RBFOX1: variants seen among roughly 807,000 people sequenced by gnomAD.
RBFOX1 encodes RNA binding protein fox-1 homolog 1.
Under a neutral mutation model 57.7 loss-of-function variants are expected in RBFOX1, and 8 were observed. The ratio of observed to expected loss-of-function variants is 0.14; its 90% confidence interval spans 0.08 to 0.25. The LOEUF (loss-of-function observed/expected upper bound fraction) is 0.25, where lower values mean the gene tolerates loss of function less well. Among genes scored for constraint, RBFOX1 ranks in the 10% least tolerant of loss-of-function variants. The probability of loss-of-function intolerance (pLI) is 1.00; values close to 1 mark genes in which losing one functional copy is unlikely to be tolerated. For missense variants in RBFOX1, 611 were observed against 548.5 expected (o/e 1.11, Z -1.14); for synonymous variants, 326 against 222.4 (o/e 1.47, Z -4.15).
At chr16:6,027,616 TG>T (rs1225294531) in intron 1 of RBFOX1, among the ~76,000 whole-genome samples, 2 of 152,252 alleles carry the variant, frequency 1.3e-5, no homozygotes, top group African/African-American at 4.8e-5. Flanking sequence ...GCAAAGTGCC[TG>T]GCACCTAGTG....
At chr16:7,208,742 CAAG>C (rs2090500403) in intron 4 of RBFOX1, among the ~76,000 whole-genome samples, 1 of 152,088 alleles carries the variant, frequency 6.6e-6, no homozygotes, top group African/African-American at 2.4e-5. Flanking sequence ...GAGGCTGAAG[CAAG>C]AAGATTATTT....
intron 1 of RBFOX1, among the ~76,000 whole-genome samples, chr16:6,266,428 A>G (rs1285888276): frequency 6.6e-6 from 1 of 152,180 alleles, no homozygotes; most frequent in East Asian, 1.9e-4. Flanking sequence ...TCTATTTACT[A>G]ACAGGCCAGA....
chr16:6,988,970 C>A (rs762064033), intron 3 of RBFOX1, among the ~76,000 whole-genome samples: 1 of 152,126 alleles, frequency 6.6e-6, no homozygotes, highest in East Asian at 1.9e-4. Flanking sequence ...CCCATGTTGG[C>A]TAGGCTGCTC....
At chr16:7,510,350 A>C in intron 4 of RBFOX1, 3 of 985,010 alleles carry the variant, frequency 3.0e-6, no homozygotes, top group Non-Finnish European at 3.6e-6. Context: ...CTTTCACTCA[A>C]AATTGCGATT....
chr16:5,502,562 C>T (rs958813140), intron 2 of RBFOX1, among the ~76,000 whole-genome samples: 4 of 152,216 alleles, frequency 2.6e-5, no homozygotes, highest in African/African-American at 9.6e-5. Context: ...CAGCAGAAGC[C>T]TGACAAAGTC....
chr16:6,770,400 A>C (rs1443385019), intron 3 of RBFOX1, among the ~76,000 whole-genome samples: 1 of 152,126 alleles, frequency 6.6e-6, no homozygotes, highest in Admixed American at 6.5e-5. Flanking sequence ...GATTATTATT[A>C]TTTCTGTAAT....
At chr16:7,509,703 C>G (rs1053757606) in intron 4 of RBFOX1, among the ~76,000 whole-genome samples, 4 of 152,108 alleles carry the variant, frequency 2.6e-5, no homozygotes, top group African/African-American at 9.7e-5. Flanking sequence ...TTGATGTACT[C>G]ACAGTATTTT....
intron 3 of RBFOX1, among the ~76,000 whole-genome samples, chr16:6,827,561 A>G (rs930115313): frequency 2.6e-5 from 4 of 152,110 alleles, no homozygotes; most frequent in African/African-American, 7.2e-5. Flanking sequence ...AGCGCTTTCA[A>G]AATAAAACTG....
chr16:6,452,264 A>G (rs12933726), intron 2 of RBFOX1, among the ~76,000 whole-genome samples: 2 of 146,796 alleles, frequency 1.4e-5, no homozygotes, highest in East Asian at 4.1e-4. Flanking sequence ...GACTCCATCC[A>G]TGGCTCCTTC....
intron 4 of RBFOX1, among the ~76,000 whole-genome samples, chr16:7,476,726 G>T (rs1435536090): frequency 6.6e-6 from 1 of 152,110 alleles, no homozygotes; most frequent in African/African-American, 2.4e-5. Flanking sequence ...CTGAAGCATT[G>T]CTCTGTATCC....
At chr16:6,811,340 T>A (rs1442051557) in intron 3 of RBFOX1, among the ~76,000 whole-genome samples, 1 of 152,234 alleles carries the variant, frequency 6.6e-6, no homozygotes, top group Non-Finnish European at 1.5e-5. Flanking sequence ...GGATAAGATT[T>A]AAAAATATTA....
intron 3 of RBFOX1, among the ~76,000 whole-genome samples, chr16:6,921,086 C>A (rs1185378428): frequency 6.6e-6 from 1 of 152,160 alleles, no homozygotes; most frequent in Non-Finnish European, 1.5e-5. Flanking sequence ...GCTCCTGCAC[C>A]ATTCGTTAGC....
intron 3 of RBFOX1, among the ~76,000 whole-genome samples, chr16:6,758,399 C>G (rs749445060): frequency 2.0e-5 from 3 of 152,092 alleles, no homozygotes; most frequent in Non-Finnish European, 4.4e-5. Context: ...CAGACCAAAG[C>G]TATTTGTCAT....
intron 2 of RBFOX1, among the ~76,000 whole-genome samples, chr16:6,391,451 AGT>A (rs573142042): frequency 2.0e-5 from 3 of 151,262 alleles, no homozygotes; most frequent in Admixed American, 6.6e-5. Context: ...TGGAGCTTGC[AGT>A]GAGCCGAGAT....
At chr16:5,613,169 A>C (rs1425825463) in intron 3 of RBFOX1, among the ~76,000 whole-genome samples, 5 of 152,202 alleles carry the variant, frequency 3.3e-5, no homozygotes, top group Admixed American at 2.6e-4. Context: ...CAGGGGTACC[A>C]AGACGGGAAA....
chr16:7,339,037 C>T (rs1454372709), intron 4 of RBFOX1, among the ~76,000 whole-genome samples: 2 of 152,132 alleles, frequency 1.3e-5, no homozygotes, highest in South Asian at 2.1e-4. Context: ...ATGTCAACAG[C>T]GGACTAAATT....
chr16:5,413,990 T>C (rs992434664), intron 1 of RBFOX1, among the ~76,000 whole-genome samples: 3 of 152,164 alleles, frequency 2.0e-5, no homozygotes, highest in African/African-American at 4.8e-5. Flanking sequence ...GATGAGGACA[T>C]TGAGGCTCTG....
At chr16:5,957,046 C>T (rs972988864) in intron 4 of RBFOX1, among the ~76,000 whole-genome samples, 3 of 152,064 alleles carry the variant, frequency 2.0e-5, no homozygotes, top group African/African-American at 7.2e-5. Context: ...ATATTTACAC[C>T]ACAGTAATTG....
At chr16:6,434,283 A>C (rs1205313775) in intron 2 of RBFOX1, among the ~76,000 whole-genome samples, 1 of 152,186 alleles carries the variant, frequency 6.6e-6, no homozygotes, top group Admixed American at 6.5e-5. Context: ...GAGGTTCTGG[A>C]GATGAGGACA....
Sources: allele counts gnomAD v4.1 joint callset (sites outside exome capture counted in the v4.1 genomes callset), GRCh38; gene constraint gnomAD v4.1.1; transcripts MANE v1.5; gene names NCBI Gene and HGNC (gene_info 2026-07-23, HGNC 2026-07-21).